Variants in ABL2 observed in about 807,000 individuals in gnomAD.
The protein encoded by ABL2 is tyrosine-protein kinase ABL2.
ABL2 carries 49 observed loss-of-function variants against 107.7 expected under a neutral mutation model. That is an observed-to-expected ratio of 0.45 (90% CI 0.36 to 0.58). The LOEUF (loss-of-function observed/expected upper bound fraction) is 0.58. ABL2 is among the 20% of genes least tolerant of loss of function. The pLI is 0.00. For missense variants in ABL2, 1,245 were observed against 1,457.0 expected (o/e 0.85, Z 2.37); for synonymous variants, 549 against 548.6 (o/e 1.00, Z -0.01).
At chr1:179,144,459 C>G (rs1211502877) in intron 1 of ABL2, among the ~76,000 whole-genome samples, 1 of 150,340 alleles carries the variant, frequency 6.7e-6, no homozygotes, top group Admixed American at 6.6e-5. Flanking sequence ...GACTCCATCT[C>G]AAAAAAAACA....
intron 1 of ABL2, among the ~76,000 whole-genome samples, chr1:179,175,038 GTTTT>G (rs956832739): frequency 6.6e-6 from 1 of 151,228 alleles, no homozygotes; most frequent in Non-Finnish European, 1.5e-5. Flanking sequence ...GGAATTCTTA[GTTTT>G]TTTAAAAAAA....
At chr1:179,110,949 G>A in intron 10 of ABL2, 1 of 1,377,336 alleles carries the variant, frequency 7.3e-7, no homozygotes, top group Non-Finnish European at 1.0e-6. Context: ...TACTCTGCAT[G>A]CTTGCTAAAA....
rs752186323 is a variant in ABL2 at position 179,108,393 on chromosome 1, G to A, written c.2874C>T (p.Phe958=). 1.5e-5 allele frequency: 25 copies of A among 1,614,122 alleles called. No homozygotes were observed. The highest frequency in any genetic ancestry group is 2.0e-5 in the Non-Finnish European group (24 of 1,180,046). ...LIGTDSQGNK[F]KLLSEHQVTS... ...TGACCTGATGCTCAGATAAGAGCTTGAATTTATTCCCCTGAGAGTCTGTGC... is the reference window on the plus strand; with the variant it reads ...TGACCTGATGCTCAGATAAGAGCTTAAATTTATTCCCCTGAGAGTCTGTGC... The change falls in exon 12 of 12, where the codon TTC becomes TTT. Residue 958 remains phenylalanine, a synonymous_variant. Transcript: ENST00000502732.
chr1:179,112,549 G>C lies in ABL2; in HGVS notation c.1562-151C>G, dbSNP rs1572614756. ...ATGATAGCAACATAGCCACTTCTCA[G>C]CTCTAGACTCAGAGGTATAATGAAC... On this transcript the variant is annotated intron_variant, in intron 9 of 11. Transcript: ENST00000502732. The C allele has an allele frequency of 8.8e-6, 5 of 567,038 alleles. No individual in the cohort carries two copies. The East Asian group carries it at 1.5e-4, about 17-fold the overall frequency. 35.1% of individuals were successfully genotyped at this position (567,038 alleles called of 1,614,324 possible).
At chr1:179,173,138 G>A (rs7556062) in intron 1 of ABL2, among the ~76,000 whole-genome samples, 6 of 150,896 alleles carry the variant, frequency 4.0e-5, no homozygotes, top group African/African-American at 1.2e-4. Context: ...TGCAGTGAGC[G>A]GAGATCGTGC....
chr1:179,124,338 A>T (rs566785469), intron 4 of ABL2, among the ~76,000 whole-genome samples: 1 of 152,252 alleles, frequency 6.6e-6, no homozygotes, highest in African/African-American at 2.4e-5. Context: ...TCACCCATGT[A>T]AACATCACCC....
intron 1 of ABL2, among the ~76,000 whole-genome samples, chr1:179,222,936 C>G (rs1218803472): frequency 6.6e-6 from 1 of 151,540 alleles, no homozygotes; most frequent in Non-Finnish European, 1.5e-5. Context: ...CATGGTGAAT[C>G]CCCATCTCTA....
intron 9 of ABL2, among the ~76,000 whole-genome samples, chr1:179,114,186 C>T (rs1459207906): frequency 1.3e-5 from 2 of 151,146 alleles, no homozygotes; most frequent in East Asian, 1.9e-4. Context: ...ACCTGGGGGA[C>T]GGAGGTTGCA....
intron 1 of ABL2, among the ~76,000 whole-genome samples, chr1:179,191,861 C>T (rs1165439995): frequency 2.6e-5 from 4 of 152,120 alleles, no homozygotes; most frequent in Non-Finnish European, 4.4e-5. Flanking sequence ...ACAGATGGAA[C>T]AATTACTCAA....
At chr1:179,128,070 A>T (rs114786165) in intron 3 of ABL2, among the ~76,000 whole-genome samples, 206 of 151,774 alleles carry the variant, frequency 1.4e-3, no homozygotes, top group Non-Finnish European at 2.6e-3. Context: ...AGTATCAGGC[A>T]AAAGTTTTTA....
chr1:179,196,842 T>C (rs1226853093), intron 1 of ABL2, among the ~76,000 whole-genome samples: 1 of 152,040 alleles, frequency 6.6e-6, no homozygotes, highest in Non-Finnish European at 1.5e-5. Context: ...TGGTAAATTT[T>C]ATGTTACATG....
At chr1:179,110,934 G>T in intron 10 of ABL2, 1 of 1,522,232 alleles carries the variant, frequency 6.6e-7, no homozygotes, top group Non-Finnish European at 9.0e-7. Flanking sequence ...CATGAAAGCT[G>T]TGGTTACTCT....
At chr1:179,123,909 G>T (rs1308041936) in intron 4 of ABL2, among the ~76,000 whole-genome samples, 1 of 152,044 alleles carries the variant, frequency 6.6e-6, no homozygotes, top group African/African-American at 2.4e-5. Flanking sequence ...GGGATTACAG[G>T]CATAGGCCAC....
At chr1:179,170,720 G>A (rs1286528242) in intron 1 of ABL2, among the ~76,000 whole-genome samples, 2 of 152,142 alleles carry the variant, frequency 1.3e-5, no homozygotes, top group African/African-American at 4.8e-5. Context: ...TCAGCCTCCC[G>A]AGTAGCTGGG....
chr1:179,120,967 G>C (rs1310223769), intron 5 of ABL2, among the ~76,000 whole-genome samples: 2 of 152,136 alleles, frequency 1.3e-5, no homozygotes, highest in Non-Finnish European at 2.9e-5. Flanking sequence ...AGAGAGCAAG[G>C]CCTTATATAT....
chr1:179,229,113 G>T, intron 1 of ABL2, 128 bp downstream of exon 1: 1 of 1,213,348 alleles, frequency 8.2e-7, no homozygotes, highest in Non-Finnish European at 1.1e-6. Flanking sequence ...GATGGCAGCG[G>T]ATTCCGCCCC....
At chr1:179,201,953 C>A in intron 1 of ABL2, 1 of 1,169,884 alleles carries the variant, frequency 8.5e-7, no homozygotes, top group Non-Finnish European at 1.1e-6. Flanking sequence ...CCAACCCCAG[C>A]CAGGGCTCAA....
chr1:179,108,670 G>C lies in ABL2; in HGVS notation c.2597C>G (p.Ser866Cys). The change falls in exon 12 of 12, where the codon TCT becomes TGT. Residue 866 changes from serine to cysteine, a missense_variant. By Grantham distance (112) the Ser-to-Cys change is moderately radical (BLOSUM62 -1). This residue lies in a region of ABL2 where 761 missense variants were observed against 766.4 expected (regional missense o/e 0.99). Transcript: ENST00000502732. ...CTTCTCTGTAATGGCTAGATCCCCA[G>C]AGGGTGTTCTGAGAGGAAGAGCTGT... ...GATALPLRTP[S>C]GDLAITEKDP... 6.2e-7 allele frequency: 1 copy of C among 1,614,214 alleles called. No homozygotes were observed. Among genetic ancestry groups the C allele is most frequent in the Non-Finnish European group, 8.5e-7 (1 of 1,180,018 alleles).
At chr1:179,188,407 C>A (rs184275889) in intron 1 of ABL2, among the ~76,000 whole-genome samples, 7 of 151,794 alleles carry the variant, frequency 4.6e-5, no homozygotes, top group Admixed American at 3.3e-4. Flanking sequence ...AATAGCGGGA[C>A]GTGGTGGCAC....
Sources: gnomAD v4.1 joint callset for allele counts (sites outside exome capture counted in the v4.1 genomes callset) on GRCh38, gnomAD v4.1.1 for gene constraint, gnomAD v4.1.1 regional missense constraint, MANE v1.5 for transcripts, NCBI Gene and HGNC (gene_info 2026-07-23, HGNC 2026-07-21) for gene names.